SPTLC1: variants seen among roughly 807,000 people sequenced by gnomAD.
The protein encoded by SPTLC1 is serine palmitoyltransferase 1.
Under a neutral mutation model 68.9 loss-of-function variants are expected in SPTLC1, and 55 were observed. The ratio of observed to expected loss-of-function variants is 0.80; its 90% CI spans 0.64 to 1.00. The LOEUF (loss-of-function observed/expected upper bound fraction) is 1.00. SPTLC1 is among the 50% of genes least tolerant of loss of function. The probability of loss-of-function intolerance (pLI) is 0.00; values close to 1 mark genes in which losing one functional copy is unlikely to be tolerated. For synonymous variants in SPTLC1, 197 were observed against 201.6 expected, an observed-to-expected ratio of 0.98 and a Z score of 0.19; for missense variants, 449 against 573.1, an observed-to-expected ratio of 0.78 and a Z score of 2.21.
chr9:92,112,667 A>G (rs1836295269), intron 1 of SPTLC1, 105 bp from the exon 2 acceptor site: 6 of 703,432 alleles, frequency 8.5e-6, no homozygotes, highest in Non-Finnish European at 1.2e-5. Flanking sequence ...CTTTTAGCCT[A>G]TTCTTAACAA....
intron 8 of SPTLC1, among the ~76,000 whole-genome samples, chr9:92,054,725 C>T (rs773962593): frequency 5.9e-5 from 9 of 152,050 alleles, no homozygotes; most frequent in African/African-American, 9.7e-5. Context: ...CCATCCTAGC[C>T]GACATGGTGA....
At chr9:92,086,220 T>C (rs1299746366) in intron 3 of SPTLC1, among the ~76,000 whole-genome samples, 1 of 151,938 alleles carries the variant, frequency 6.6e-6, no homozygotes, top group Admixed American at 6.6e-5. Context: ...TGTCTTTTAA[T>C]TGGAGCATTT....
intron 3 of SPTLC1, chr9:92,105,591 T>C (rs1445188200): frequency 3.2e-5 from 17 of 524,440 alleles, no homozygotes; most frequent in Middle Eastern, 5.2e-4. Flanking sequence ...GAGGAGCGCC[T>C]CTGCCCAGCC....
chr9:92,048,446 A>G (rs1182126696), intron 9 of SPTLC1, among the ~76,000 whole-genome samples: 1 of 152,048 alleles, frequency 6.6e-6, no homozygotes, highest in Non-Finnish European at 1.5e-5. Flanking sequence ...GTTTTGAGAA[A>G]CTCTGCACTC....
chr9:92,088,473 T>C (rs774404118), intron 3 of SPTLC1, among the ~76,000 whole-genome samples: 1 of 152,210 alleles, frequency 6.6e-6, no homozygotes, highest in African/African-American at 2.4e-5. Flanking sequence ...TTCAGGTTCT[T>C]ACTTCTCAAG....
At chr9:92,091,797 A>C (rs993257830) in intron 3 of SPTLC1, among the ~76,000 whole-genome samples, 1 of 152,220 alleles carries the variant, frequency 6.6e-6, no homozygotes, top group African/African-American at 2.4e-5. Context: ...CCAATTATGT[A>C]CAAAAGAACT....
intron 6 of SPTLC1, among the ~76,000 whole-genome samples, chr9:92,061,427 A>C (rs1471194669): frequency 6.6e-6 from 1 of 152,246 alleles, no homozygotes; most frequent in Non-Finnish European, 1.5e-5. Context: ...ATGAAGGTGA[A>C]ATCAAGACAT....
At chr9:92,099,480 C>CTT (rs201801428) in intron 3 of SPTLC1, among the ~76,000 whole-genome samples, 5 of 141,856 alleles carry the variant, frequency 3.5e-5, no homozygotes, top group African/African-American at 5.1e-5. Context: ...TTTTACTGTA[C>CTT]TTTTTTTTTT....
At chr9:92,079,726 T>A in intron 5 of SPTLC1, 1 of 722,714 alleles carries the variant, frequency 1.4e-6, no homozygotes. Context: ...TATGAGGCCA[T>A]CTCCCCTGCA....
At chr9:92,063,889 T>C (rs1333805244) in intron 6 of SPTLC1, among the ~76,000 whole-genome samples, 1 of 152,180 alleles carries the variant, frequency 6.6e-6, no homozygotes, top group Non-Finnish European at 1.5e-5. Flanking sequence ...GTAAGAAATC[T>C]GCACGTAACA....
intron 3 of SPTLC1, among the ~76,000 whole-genome samples, chr9:92,097,060 C>T (rs1206182064): frequency 2.6e-5 from 4 of 152,090 alleles, no homozygotes; most frequent in Non-Finnish European, 5.9e-5. Flanking sequence ...GCCAATAAGC[C>T]GATGAAAAGG....
intron 3 of SPTLC1, chr9:92,108,359 C>T (rs1447099053): frequency 1.4e-5 from 3 of 218,916 alleles, no homozygotes; most frequent in African/African-American, 7.0e-5. Flanking sequence ...GATGAATCAA[C>T]AAATGGTAGT....
rs1229438564 is a variant in SPTLC1 at position 92,033,700 on chromosome 9, C to T, written c.1328+1110G>A. The stretch of plus-strand genomic sequence containing the variant: ...CCTCCCAAGTAGCTGGGACCACAGG[C>T]GTGCACCACTATGCCTGGCTAATTT... On this transcript the variant is annotated intron_variant, in intron 14 of 14. Coordinates refer to ENST00000262554, the MANE Select transcript of SPTLC1 (RefSeq NM_006415.4). Among the ~76,000 whole-genome samples the T allele has an allele frequency of 3.9e-5, 6 of 152,134 alleles. No individual in the cohort carries two copies. In the South Asian group the frequency reaches 6.2e-4, roughly 16 times the overall value.
At chr9:92,063,852 G>A (rs558614244) in intron 6 of SPTLC1, among the ~76,000 whole-genome samples, 64 of 152,202 alleles carry the variant, frequency 4.2e-4, no homozygotes, top group African/African-American at 1.4e-3. Context: ...ATGAGGTGCA[G>A]GAAAGTGAAT....
At chr9:92,042,873 C>G (rs560030103) in intron 12 of SPTLC1, among the ~76,000 whole-genome samples, 9 of 152,130 alleles carry the variant, frequency 5.9e-5, no homozygotes, top group African/African-American at 9.7e-5. Flanking sequence ...CAAATGGGAA[C>G]CTGGTATATG....
chr9:92,059,239 C>T lies in SPTLC1; in HGVS notation c.630G>A (p.Lys210=), dbSNP rs1834003689. Residue 210 remains lysine, a synonymous_variant, in exon 7 of 15, where the codon AAG becomes AAA. Transcript: ENST00000262554. The part of the protein sequence containing the change: ...QASRSDIKLF[K]HNDMADLERL... ...GCTCGAGGTCAGCCATGTCATTATGCTTAAATAACTTAATGTCACTACGGG... is the reference window on the plus strand; with the variant it reads ...GCTCGAGGTCAGCCATGTCATTATGTTTAAATAACTTAATGTCACTACGGG... The T allele has an allele frequency of 6.2e-7, 1 of 1,613,778 alleles. No homozygotes were observed. The highest frequency in any genetic ancestry group is 1.7e-5 in the Admixed American group (1 of 59,994).
At chr9:92,096,560 C>T (rs569271008) in intron 3 of SPTLC1, among the ~76,000 whole-genome samples, 9 of 152,232 alleles carry the variant, frequency 5.9e-5, no homozygotes, top group African/African-American at 2.2e-4. Context: ...TTATGGTCAA[C>T]TGATTTTCAA....
At chr9:92,044,596 G>C (rs1232257798) in intron 12 of SPTLC1, among the ~76,000 whole-genome samples, 1 of 152,204 alleles carries the variant, frequency 6.6e-6, no homozygotes, top group African/African-American at 2.4e-5. Context: ...TCAGGTGACA[G>C]GCAAGAGGAA....
intron 2 of SPTLC1, chr9:92,111,810 A>G (rs1295074216): frequency 6.6e-6 from 1 of 152,348 alleles, no homozygotes; most frequent in Non-Finnish European, 1.5e-5. Flanking sequence ...TGTCTGCTGC[A>G]ATGCAAAAGT....
Sources: gnomAD v4.1 joint callset for allele counts (sites outside exome capture counted in the v4.1 genomes callset) on GRCh38, gnomAD v4.1.1 for gene constraint, MANE v1.5 for transcripts, NCBI Gene and HGNC (gene_info 2026-07-23, HGNC 2026-07-21) for gene names.